Variants in BSCL2 observed in about 807,000 individuals in gnomAD.
BSCL2 encodes the protein seipin.
A neutral mutation model predicts 57.4 loss-of-function variants in BSCL2; 41 were observed. The ratio of observed to expected loss-of-function variants is 0.71; its 90% CI spans 0.56 to 0.93. BSCL2 has a LOEUF of 0.93. Ranked by LOEUF, BSCL2 falls within the 40% of genes least tolerant of loss-of-function variation. BSCL2 has a pLI of 0.00. For synonymous variants in BSCL2, 237 were observed against 227.3 expected, an observed-to-expected ratio of 1.04 and a Z score of -0.38; for missense variants, 539 against 586.7, an observed-to-expected ratio of 0.92 and a Z score of 0.84.
Position 62,692,802 on chromosome 11 carries a change from C to CG in BSCL2, c.631-6dup. On this transcript the variant is annotated splice_region_variant and splice_polypyrimidine_tract_variant and intron_variant, in intron 4 of 10. Coordinates refer to ENST00000360796, the MANE Select transcript of BSCL2 (RefSeq NM_001122955.4). ...TGAGCGGTAATGCAGCATCACCTGC[C>CG]GGGGGTGGGAAGCAGAGGCTGGGGA... 6.2e-7 allele frequency: 1 copy of CG among 1,612,898 alleles called. No homozygotes were observed. Among genetic ancestry groups the CG allele is most frequent in the South Asian group, 1.1e-5 (1 of 91,008 alleles).
At chr11:62,691,187 TAACA>T (rs767206834) in intron 7 of BSCL2, 46 bp from the exon 8 acceptor site, 1 of 1,613,900 alleles carries the variant, frequency 6.2e-7, no homozygotes, top group Admixed American at 1.7e-5. Context: ...CTTCCCTCAC[TAACA>T]ATCAGGACCC....
chr11:62,692,758 C>A lies in BSCL2; in HGVS notation c.670G>T (p.Asp224Tyr). ...AGGAGGCTAGAGAAGACCAGTGTGT[C>A]CAGCATCTGGAGCAGGTCTGAGCGG... ...HYRSDLLQML[D>Y]TLVFSSLLLF... Residue 224 changes from aspartate (D) to tyrosine (Y), a missense_variant, in exon 5 of 11, where the codon GAC becomes TAC. This residue lies in a region of BSCL2 where 73 missense variants were observed against 122.0 expected (regional missense o/e 0.60). Transcript: ENST00000360796. 1 of 1,614,044 alleles carries A rather than the reference C, an allele frequency of 6.2e-7. No individual in the cohort carries two copies. The highest frequency in any genetic ancestry group is 8.5e-7 in the Non-Finnish European group (1 of 1,180,038).
chr11:62,707,364 C>G lies in BSCL2; in HGVS notation c.-169G>C. 1.4e-6 allele frequency: 1 copy of G among 728,028 alleles called. No individual in the cohort carries two copies. Among genetic ancestry groups the G allele is most frequent in the Admixed American group, 2.0e-5 (1 of 50,032 alleles). The allele number at this position is 728,028 out of a possible 1,614,324, so 45.1% of individuals were successfully genotyped here. A position where few individuals can be genotyped will look rare whatever the true frequency, so the allele number is the denominator to read the frequency against. ...AAGATTCAGGTGCTAAGTGCTGTGT[C>G]AGAGTAGAGGGAGGAAAGGAGGAGG... On this transcript the variant is annotated 5_prime_UTR_variant, in exon 1 of 11. Coordinates refer to ENST00000360796, the MANE Select transcript of BSCL2 (RefSeq NM_001122955.4).
intron 2 of BSCL2, 141 bp downstream of exon 2, chr11:62,705,160 G>T: frequency 1.1e-6 from 1 of 881,848 alleles, no homozygotes; most frequent in Non-Finnish European, 1.8e-6. Flanking sequence ...TCTAGCCTTG[G>T]GCTGTGAAAG....
chr11:62,708,602 G>T (rs2083582632), upstream of BSCL2: 3 of 1,585,192 alleles, frequency 1.9e-6, no homozygotes, highest in South Asian at 3.4e-5. Context: ...TGGCAAAAGA[G>T]AACCCATTTG....
At chr11:62,703,640 C>T (rs547383725) in intron 2 of BSCL2, among the ~76,000 whole-genome samples, 14 of 151,604 alleles carry the variant, frequency 9.2e-5, no homozygotes, top group South Asian at 4.2e-4. Flanking sequence ...TGTGAGCCAC[C>T]GCGCCCGGCC....
upstream of BSCL2, chr11:62,708,977 T>G: frequency 1.6e-6 from 1 of 632,682 alleles, no homozygotes; most frequent in Non-Finnish European, 2.8e-6. Context: ...GTCGACCCCA[T>G]TTCCTACCAC....
At chr11:62,694,513 A>G (rs1945397836) in intron 4 of BSCL2, 55 bp downstream of exon 4, 7 of 1,612,700 alleles carry the variant, frequency 4.3e-6, no homozygotes, top group East Asian at 2.2e-5. Flanking sequence ...CCCCCTACCC[A>G]TTCTGATCCT....
At chr11:62,695,352 A>G (rs1945425750) in intron 3 of BSCL2, among the ~76,000 whole-genome samples, 1 of 152,010 alleles carries the variant, frequency 6.6e-6, no homozygotes, top group Admixed American at 6.6e-5. Context: ...ACAGTAGTAT[A>G]TAAAAATTAC....
At chr11:62,693,814 C>T (rs1178222934) in intron 4 of BSCL2, among the ~76,000 whole-genome samples, 3 of 151,562 alleles carry the variant, frequency 2.0e-5, no homozygotes, top group East Asian at 2.0e-4. Context: ...AAGCTGATTC[C>T]TTTCTCTTTT....
intron 3 of BSCL2, among the ~76,000 whole-genome samples, chr11:62,699,356 C>T (rs1945569475): frequency 6.6e-6 from 1 of 151,954 alleles, no homozygotes; most frequent in South Asian, 2.1e-4. Context: ...CGCCACCACA[C>T]CTGGCTAATT....
intron 2 of BSCL2, among the ~76,000 whole-genome samples, chr11:62,703,183 C>A (rs1275845787): frequency 6.6e-6 from 1 of 151,634 alleles, no homozygotes; most frequent in South Asian, 2.1e-4. Flanking sequence ...CAGGGTCCCA[C>A]CCCAAGAGAT....
At chr11:62,692,037 G>C (rs1945325294) in intron 6 of BSCL2, among the ~76,000 whole-genome samples, 1 of 138,470 alleles carries the variant, frequency 7.2e-6, no homozygotes, top group East Asian at 2.1e-4. Context: ...AGGCAACAGA[G>C]CAAGACCCCC....
intron 3 of BSCL2, among the ~76,000 whole-genome samples, chr11:62,697,879 C>T (rs138305733): frequency 7.3e-5 from 11 of 151,158 alleles, no homozygotes; most frequent in East Asian, 5.8e-4. Context: ...TAATTCTTCA[C>T]GAATGCTTCT....
chr11:62,707,137 T>C lies in BSCL2; in HGVS notation c.59A>G (p.Asp20Gly), dbSNP rs375791013. The C allele has an allele frequency of 5.1e-6, 8 of 1,554,504 alleles. No individual in the cohort carries two copies. The African/African-American group carries it at 6.8e-5, about 13-fold the overall frequency. ...CTCTTTGTCCGGTCCTTTGATCTGG[T>C]CTCCGCACACCTCTTTTTCCCCAGC... is the stretch of plus-strand genomic sequence containing the variant. ...EEAGEKEVCG[D>G]QIKGPDKEEE... The change falls in exon 1 of 11, where the codon GAC becomes GGC. Residue 20 changes from aspartate to glycine, a missense_variant. Asp to Gly is a moderately conservative substitution (Grantham distance 94, BLOSUM62 -1). Transcript: ENST00000360796.
intron 3 of BSCL2, among the ~76,000 whole-genome samples, chr11:62,696,962 C>G (rs942701056): frequency 2.0e-5 from 3 of 151,378 alleles, no homozygotes; most frequent in African/African-American, 7.3e-5. Context: ...CCCTTGAGCC[C>G]AGGAGTTTGA....
chr11:62,691,799 CT>C (rs1344852207), intron 6 of BSCL2, among the ~76,000 whole-genome samples: 9 of 152,284 alleles, frequency 5.9e-5, no homozygotes, highest in Admixed American at 3.3e-4. Flanking sequence ...GCCTGTAATC[CT>C]AGCACTTTGG....
chr11:62,691,456 A>G (rs752716760), intron 6 of BSCL2, 35 bp from the exon 7 acceptor site: 2 of 1,610,782 alleles, frequency 1.2e-6, no homozygotes, highest in Admixed American at 3.3e-5. Flanking sequence ...AGGTAGTAGC[A>G]GTTACCAGAG....
Position 62,702,460 on chromosome 11 carries a change from A to C in BSCL2, c.486+8T>G, listed in dbSNP as rs1238731769. The C allele has an allele frequency of 6.2e-7, 1 of 1,608,878 alleles. No individual in the cohort carries two copies. On this transcript the variant is annotated splice_region_variant and intron_variant, in intron 3 of 10. Transcript: ENST00000360796. ...CTAATGAAACCTCTCTCTAGTTCCC[A>C]TACTCACCCGATCACGTCCACCCTT...
Sources: gnomAD v4.1 joint callset for allele counts (sites outside exome capture counted in the v4.1 genomes callset) on GRCh38, gnomAD v4.1.1 for gene constraint, gnomAD v4.1.1 regional missense constraint, MANE v1.5 for transcripts, NCBI Gene and HGNC (gene_info 2026-07-23, HGNC 2026-07-21) for gene names.